HELZ: variants seen among roughly 807,000 people sequenced by gnomAD.
HELZ encodes ATP-dependent RNA helicase with zinc finger domain.
HELZ carries 23 observed loss-of-function variants against 218.2 expected under a neutral mutation model. The ratio of observed to expected loss-of-function variants is 0.11; its 90% confidence interval spans 0.08 to 0.15. The LOEUF (loss-of-function observed/expected upper bound fraction) is 0.15. Ranked by LOEUF, HELZ falls within the 10% of genes least tolerant of loss-of-function variation. HELZ has a pLI of 1.00. For missense variants in HELZ, 1,813 were observed against 2,353.7 expected (o/e 0.77, Z 4.75); for synonymous variants, 814 against 829.4 (o/e 0.98, Z 0.32).
At chr17:67,143,598 G>C (rs905023957) in intron 21 of HELZ, among the ~76,000 whole-genome samples, 3 of 151,114 alleles carry the variant, frequency 2.0e-5, no homozygotes, top group African/African-American at 7.3e-5. Flanking sequence ...GACAAAGAGA[G>C]ACTCTGTCTC....
Position 67,218,607 on chromosome 17 carries a change from T to C in HELZ, c.198A>G (p.Ser66=). ...KIESLLYRIA[S]FLQLKNYVQA... ...AGTGTTTACTCACCAGTTGCAAAAATGAGGCAATTCTGTAGAGAAGACTCT... is the reference window on the plus strand; with the variant it reads ...AGTGTTTACTCACCAGTTGCAAAAACGAGGCAATTCTGTAGAGAAGACTCT... The change falls in exon 4 of 33, where the codon TCA becomes TCG. Residue 66 remains serine, a synonymous_variant. Coordinates refer to ENST00000358691, the MANE Select transcript of HELZ (RefSeq NM_014877.4). 4.3e-6 allele frequency: 7 copies of C among 1,613,896 alleles called. No homozygotes were observed. Among genetic ancestry groups the C allele is most frequent in the South Asian group, 3.3e-5 (3 of 91,082 alleles).
intron 17 of HELZ, among the ~76,000 whole-genome samples, chr17:67,159,496 T>C (rs2038936822): frequency 1.3e-5 from 2 of 152,314 alleles, no homozygotes; most frequent in South Asian, 4.1e-4. Context: ...TAGAAATTAA[T>C]TTATAAACAA....
At chr17:67,160,432 A>G in intron 16 of HELZ, 70 bp from the exon 17 acceptor site, 1 of 1,028,968 alleles carries the variant, frequency 9.7e-7, no homozygotes, top group East Asian at 2.5e-5. Context: ...ATAATACCAA[A>G]AAAAAAAGCA....
chr17:67,166,003 G>A lies in HELZ; in HGVS notation c.1895+475C>T, dbSNP rs144068914. ...TTTTTTTAATCAGCCAGACACAGTG[G>A]CATGTGTCTATAATCCTAGCTACTC... is the stretch of plus-strand genomic sequence containing the variant. On this transcript the variant is annotated intron_variant, in intron 15 of 32. Transcript: ENST00000358691. 4.9e-4 allele frequency among the ~76,000 whole-genome samples: 74 copies of A among 152,188 alleles called. 1 individual carries two copies. In the East Asian group the frequency reaches 0.014, roughly 28 times the overall value.
chr17:67,203,144 AG>A (rs1452644885), intron 6 of HELZ, among the ~76,000 whole-genome samples, 174 bp downstream of exon 6: 1 of 152,150 alleles, frequency 6.6e-6, no homozygotes, highest in Non-Finnish European at 1.5e-5. Flanking sequence ...AAACAAAAAA[AG>A]AAAAGAAAGA....
At chr17:67,098,313 G>A (rs763398694) in intron 31 of HELZ, among the ~76,000 whole-genome samples, 6 of 152,170 alleles carry the variant, frequency 3.9e-5, no homozygotes, top group African/African-American at 1.2e-4. Context: ...TTTGTGCCTC[G>A]GTTTCCTTTT....
In HELZ at chr17:67,190,156, C is replaced by T; in HGVS notation, c.756+1G>A. The T allele has an allele frequency of 6.2e-7, 1 of 1,612,010 alleles. No individual in the cohort carries two copies. Among genetic ancestry groups the T allele is most frequent in the Non-Finnish European group, 8.5e-7 (1 of 1,178,146 alleles). Reference sequence around the variant, plus strand: ...AAAATAATGTAGCTTATTTTCCTCACCACTTTCTCAGGAGACAATGAATTC... The same window carrying T: ...AAAATAATGTAGCTTATTTTCCTCATCACTTTCTCAGGAGACAATGAATTC... On this transcript the variant is annotated splice_donor_variant, in intron 10 of 32. Transcript: ENST00000358691. LOFTEE classifies it high-confidence loss of function.
chr17:67,171,038 T>TTTTC lies in HELZ; in HGVS notation c.1431-3243_1431-3242insGAAA, dbSNP rs200870168. 8.1e-3 allele frequency among the ~76,000 whole-genome samples: 1,092 copies of TTTTC among 134,568 alleles called. 18 individuals are homozygous for TTTTC. The highest frequency in any genetic ancestry group is 0.03 in the African/African-American group (1,040 of 34,912). The allele number at this position is 134,568 out of a possible 152,430, so 88.3% of individuals were successfully genotyped here. A position where few individuals can be genotyped will look rare whatever the true frequency, so the allele number is the denominator to read the frequency against. Reference sequence around the variant, plus strand: ...ATCTTTTTGCTAAGATGATGTACAGTTTTTTTTTTTTTTCACTATACAGTC... The same window carrying TTTTC: ...ATCTTTTTGCTAAGATGATGTACAGTTTTCTTTTTTTTTTTTTCACTATACAGTC... On this transcript the variant is annotated intron_variant, in intron 13 of 32. Coordinates refer to ENST00000358691, the MANE Select transcript of HELZ (RefSeq NM_014877.4).
At chr17:67,226,227 C>T (rs2040885840) in intron 3 of HELZ, among the ~76,000 whole-genome samples, 1 of 148,728 alleles carries the variant, frequency 6.7e-6, no homozygotes, top group Non-Finnish European at 1.5e-5. Context: ...CCACTGCACT[C>T]CAGCCTAGCA....
At chr17:67,120,320 T>C (rs922983611) in intron 27 of HELZ, 85 bp downstream of exon 27, 1 of 1,113,576 alleles carries the variant, frequency 9.0e-7, no homozygotes. Context: ...AAGTTAACAA[T>C]CATACTGTTA....
At chr17:67,138,158 T>C (rs2038209629) in intron 21 of HELZ, 44 bp from the exon 22 acceptor site, 12 of 1,441,600 alleles carry the variant, frequency 8.3e-6, no homozygotes, top group Non-Finnish European at 1.1e-5. Context: ...TTATCACCAA[T>C]GTTTGGAGAA....
chr17:67,199,712 T>C (rs1417078773), intron 7 of HELZ, among the ~76,000 whole-genome samples: 1 of 152,228 alleles, frequency 6.6e-6, no homozygotes, highest in African/African-American at 2.4e-5. Context: ...CCAGCTTGTA[T>C]AATCCATGGT....
rs1382154691 is a variant in HELZ, at chr17:67,074,136, G to A, written c.*4116C>T. On this transcript the variant is annotated 3_prime_UTR_variant, in exon 33 of 33. Coordinates refer to ENST00000358691, the MANE Select transcript of HELZ (RefSeq NM_014877.4). ...ACATTTATACCTTGAGATTCAGGAA[G>A]ACATATAGCGCGGCAGTAGAAATTA... 6.6e-6 allele frequency: 1 copy of A among 151,988 alleles called. No individual in the cohort carries two copies. The highest frequency in any genetic ancestry group is 2.4e-5 in the African/African-American group (1 of 41,398). The allele number at this position is 151,988 out of a possible 1,614,324, so 9.4% of individuals were successfully genotyped here.
At chr17:67,191,237 T>C (rs191230712) in intron 9 of HELZ, among the ~76,000 whole-genome samples, 252 of 152,320 alleles carry the variant, frequency 1.7e-3, no homozygotes, top group African/African-American at 5.8e-3. Context: ...TATATTTCAG[T>C]GAAAATATAT....
chr17:67,170,922 AG>A (rs1418657116), intron 13 of HELZ, among the ~76,000 whole-genome samples: 8 of 152,106 alleles, frequency 5.3e-5, no homozygotes, highest in African/African-American at 1.9e-4. Flanking sequence ...TATAATATGC[AG>A]AGTTTAGGGG....
chr17:67,217,283 C>G (rs879719200), intron 4 of HELZ, among the ~76,000 whole-genome samples: 5 of 152,186 alleles, frequency 3.3e-5, no homozygotes, highest in African/African-American at 7.2e-5. Context: ...ACTGCTCCCC[C>G]TCATTCCCTG....
chr17:67,234,059 A>AG (rs1555629326), intron 3 of HELZ, among the ~76,000 whole-genome samples: 19 of 148,664 alleles, frequency 1.3e-4, no homozygotes, highest in Middle Eastern at 7.0e-3. Context: ...AAAAAAAAAA[A>AG]AGAGAGAGAG....
At chr17:67,172,636 G>T (rs1225277271) in intron 13 of HELZ, among the ~76,000 whole-genome samples, 3 of 151,860 alleles carry the variant, frequency 2.0e-5, no homozygotes, top group African/African-American at 7.3e-5. Flanking sequence ...TTGAGACAGG[G>T]TCTCACTGTC....
chr17:67,094,331 A>AGAGAGAG (rs2036667871), intron 31 of HELZ, among the ~76,000 whole-genome samples: 2 of 141,844 alleles, frequency 1.4e-5, no homozygotes, highest in African/African-American at 6.1e-5. Context: ...TGAAAAAAAA[A>AGAGAGAG]AAAGAGAGAG....
Sources: allele counts gnomAD v4.1 joint callset (sites outside exome capture counted in the v4.1 genomes callset), GRCh38; gene constraint gnomAD v4.1.1; transcripts MANE v1.5; gene names NCBI Gene and HGNC (gene_info 2026-07-23, HGNC 2026-07-21).